Variants in CARMIL1 observed in about 807,000 individuals in gnomAD.
CARMIL1 encodes F-actin-uncapping protein LRRC16A.
In CARMIL1, 90 loss-of-function variants were observed where a neutral mutation model predicts 177.1. That is an observed-to-expected ratio of 0.51 (90% CI 0.43 to 0.61). The LOEUF (loss-of-function observed/expected upper bound fraction) is 0.61. Ranked by LOEUF, CARMIL1 falls within the 20% of genes least tolerant of loss-of-function variation. CARMIL1 has a pLI of 0.00. For synonymous variants in CARMIL1, 577 were observed against 606.2 expected, an observed-to-expected ratio of 0.95 and a Z score of 0.71; for missense variants, 1,380 against 1,667.0, an observed-to-expected ratio of 0.83 and a Z score of 3.00.
At chr6:25,618,778 C>T (rs187165995) in intron 36 of CARMIL1, among the ~76,000 whole-genome samples, 73 of 152,288 alleles carry the variant, frequency 4.8e-4, no homozygotes, top group Admixed American at 1.1e-3. Context: ...GAGCAGGCAA[C>T]AATAATGGTA....
At chr6:25,499,834 G>T (rs1032549543) in intron 16 of CARMIL1, among the ~76,000 whole-genome samples, 1 of 152,150 alleles carries the variant, frequency 6.6e-6, no homozygotes, top group African/African-American at 2.4e-5. Flanking sequence ...CAGATGCAGT[G>T]GGAATTTATC....
intron 2 of CARMIL1, among the ~76,000 whole-genome samples, chr6:25,409,791 G>T (rs866329928): frequency 5.3e-5 from 8 of 152,178 alleles, no homozygotes; most frequent in Non-Finnish European, 1.0e-4. Context: ...GTGAAATAAT[G>T]CTCATGTTTT....
chr6:25,513,617 C>T (rs1424194913), intron 20 of CARMIL1, among the ~76,000 whole-genome samples: 8 of 152,200 alleles, frequency 5.3e-5, no homozygotes, highest in Non-Finnish European at 1.0e-4. Context: ...CTCATTCTGT[C>T]TCCTGTAGCC....
intron 29 of CARMIL1, among the ~76,000 whole-genome samples, chr6:25,568,918 CATT>C (rs1562294394): frequency 1.3e-5 from 2 of 152,156 alleles, no homozygotes; most frequent in Admixed American, 6.5e-5. Flanking sequence ...AGATTGCCCT[CATT>C]ATGCTCTGAA....
At chr6:25,475,523 G>A (rs995132158) in intron 11 of CARMIL1, among the ~76,000 whole-genome samples, 2 of 152,180 alleles carry the variant, frequency 1.3e-5, no homozygotes, top group African/African-American at 4.8e-5. Flanking sequence ...AATGTTTGTA[G>A]CAGTATTAGT....
At position 25,327,007 on chromosome 6, in the gene CARMIL1, A is replaced by G. The variant is rs544657762; in HGVS notation, c.138+42098A>G. 2.0e-5 allele frequency among the ~76,000 whole-genome samples: 3 copies of G among 152,218 alleles called. No individual in the cohort carries two copies. The South Asian group carries it at 6.2e-4, about 32-fold the overall frequency. ...GAGTGTTCATGAAATGTCCAAGTGA[A>G]GATGTTGGCTGTTGATGGCAAAATG... On this transcript the variant is annotated intron_variant, in intron 2 of 36. Coordinates refer to ENST00000329474, the MANE Select transcript of CARMIL1 (RefSeq NM_017640.6).
chr6:25,505,197 A>AT (rs1403100686), intron 17 of CARMIL1, among the ~76,000 whole-genome samples: 4 of 152,154 alleles, frequency 2.6e-5, no homozygotes, highest in Non-Finnish European at 5.9e-5. Context: ...TTGAAACCTG[A>AT]TTTTTTGATG....
intron 35 of CARMIL1, among the ~76,000 whole-genome samples, chr6:25,608,161 A>G (rs1314067165): frequency 2.0e-5 from 3 of 152,222 alleles, no homozygotes; most frequent in Non-Finnish European, 4.4e-5. Context: ...TAGTTTGTAG[A>G]GTAACCTAGT....
chr6:25,511,081 G>A (rs35785909), intron 20 of CARMIL1, among the ~76,000 whole-genome samples: 32,455 of 151,832 alleles, frequency 0.21, 3,770 homozygotes, highest in Non-Finnish European at 0.24. Flanking sequence ...TAATCTTCAG[G>A]CATGAATTTT....
chr6:25,464,485 C>T (rs909599309), intron 8 of CARMIL1, among the ~76,000 whole-genome samples: 1 of 152,112 alleles, frequency 6.6e-6, no homozygotes, highest in Non-Finnish European at 1.5e-5. Context: ...AAGCACAGGG[C>T]CGGGCCACCC....
At chr6:25,560,871 G>A (rs562851535) in intron 29 of CARMIL1, among the ~76,000 whole-genome samples, 1 of 152,298 alleles carries the variant, frequency 6.6e-6, no homozygotes, top group East Asian at 1.9e-4. Context: ...ATGGTAGCCT[G>A]TAGTTTTTAA....
At chr6:25,478,682 G>T (rs1180561224) in intron 11 of CARMIL1, among the ~76,000 whole-genome samples, 2 of 152,070 alleles carry the variant, frequency 1.3e-5, no homozygotes, top group African/African-American at 2.4e-5. Flanking sequence ...TGTAGTCTCA[G>T]CTACTCGGGA....
intron 3 of CARMIL1, among the ~76,000 whole-genome samples, chr6:25,425,818 A>G (rs1796233959): frequency 6.6e-6 from 1 of 152,220 alleles, no homozygotes; most frequent in South Asian, 2.1e-4. Context: ...TCATTTAAGC[A>G]CAACTTAAAA....
intron 32 of CARMIL1, among the ~76,000 whole-genome samples, chr6:25,596,951 T>C (rs1274057432): frequency 4.0e-5 from 6 of 150,886 alleles, no homozygotes; most frequent in Admixed American, 1.3e-4. Flanking sequence ...ATTGGTGTCT[T>C]TGTCTGTTTT....
chr6:25,350,017 A>G (rs1368346343), intron 2 of CARMIL1, among the ~76,000 whole-genome samples: 2 of 152,102 alleles, frequency 1.3e-5, no homozygotes, highest in South Asian at 2.1e-4. Flanking sequence ...GTGAGCCACC[A>G]CGTCCAGCCT....
intron 4 of CARMIL1, among the ~76,000 whole-genome samples, chr6:25,434,839 T>C (rs1193146208): frequency 6.6e-6 from 1 of 152,186 alleles, no homozygotes; most frequent in Non-Finnish European, 1.5e-5. Flanking sequence ...CATGAGCCAC[T>C]GTGCCCTGCC....
rs564092006 is a variant in CARMIL1 at position 25,512,600 on chromosome 6, TCTTTA to T, written c.1632+1843_1632+1847del. 3.7e-4 allele frequency among the ~76,000 whole-genome samples: 56 copies of T among 152,384 alleles called. 2 individuals carry two copies. The South Asian group carries it at 0.011, about 31-fold the overall frequency. On this transcript the variant is annotated intron_variant, in intron 20 of 36. Coordinates refer to ENST00000329474, the MANE Select transcript of CARMIL1 (RefSeq NM_017640.6). The stretch of plus-strand genomic sequence containing the variant: ...AAGTTTTACATGTTAAAAAATAATC[TCTTTA>T]CTTTTTACATTCTGACCTGGTGTTT...
At chr6:25,477,579 C>T (rs566240373) in intron 11 of CARMIL1, among the ~76,000 whole-genome samples, 63 of 151,998 alleles carry the variant, frequency 4.1e-4, no homozygotes, top group African/African-American at 1.2e-3. Context: ...GGGTGAAGAC[C>T]CATTAGCTGG....
At chr6:25,350,562 A>G (rs1205593773) in intron 2 of CARMIL1, 1 of 152,098 alleles carries the variant, frequency 6.6e-6, no homozygotes, top group Non-Finnish European at 1.5e-5. Context: ...TTGAGTTTGC[A>G]GTGTTTGCCT....
Sources: gnomAD v4.1 joint callset for allele counts (sites outside exome capture counted in the v4.1 genomes callset) on GRCh38, gnomAD v4.1.1 for gene constraint, MANE v1.5 for transcripts, NCBI Gene and HGNC (gene_info 2026-07-23, HGNC 2026-07-21) for gene names.